Variants in FRMD5 observed in about 807,000 individuals in gnomAD.
FRMD5 encodes the protein FERM domain-containing protein 5.
A neutral mutation model predicts 69.0 loss-of-function variants in FRMD5; 20 were observed. The ratio of observed to expected loss-of-function variants is 0.29; its 90% CI spans 0.20 to 0.42. The LOEUF is 0.42. FRMD5 is among the 10% of genes least tolerant of loss of function. FRMD5 has a pLI of 1.00. For synonymous variants in FRMD5, 271 were observed against 260.1 expected (o/e 1.04, Z -0.40); for missense variants, 595 against 708.6 (o/e 0.84, Z 1.82).
At chr15:43,976,651 G>C (rs1205701660) in intron 1 of FRMD5, among the ~76,000 whole-genome samples, 2 of 152,036 alleles carry the variant, frequency 1.3e-5, no homozygotes, top group African/African-American at 4.8e-5. Context: ...ACAAGCTGAC[G>C]TTTTTATACT....
At chr15:44,111,657 A>G (rs2076797733) in intron 1 of FRMD5, among the ~76,000 whole-genome samples, 1 of 152,200 alleles carries the variant, frequency 6.6e-6, no homozygotes, top group African/African-American at 2.4e-5. Context: ...GAAGAAGCAG[A>G]GCAAGAAGCG....
intron 7 of FRMD5, among the ~76,000 whole-genome samples, chr15:43,895,030 C>T (rs1233518617): frequency 6.6e-6 from 1 of 152,142 alleles, no homozygotes; most frequent in Non-Finnish European, 1.5e-5. Context: ...GTGATCCACC[C>T]ACCTCAGCCT....
chr15:43,962,997 C>G (rs1405869864), intron 1 of FRMD5, among the ~76,000 whole-genome samples: 1 of 152,152 alleles, frequency 6.6e-6, no homozygotes, highest in Non-Finnish European at 1.5e-5. Flanking sequence ...TAGGCATGGG[C>G]AAGGACTTCA....
intron 1 of FRMD5, among the ~76,000 whole-genome samples, chr15:44,142,105 T>G (rs1477539151): frequency 6.6e-6 from 1 of 152,162 alleles, no homozygotes; most frequent in Admixed American, 6.5e-5. Flanking sequence ...ATAGAAGGCT[T>G]CATCCAAATA....
intron 1 of FRMD5, among the ~76,000 whole-genome samples, chr15:43,956,900 G>C (rs2090124507): frequency 1.3e-5 from 2 of 152,048 alleles, no homozygotes; most frequent in African/African-American, 4.8e-5. Context: ...TGACTGTACT[G>C]CAATCCCATT....
chr15:44,196,687 C>CA (rs1307960944), upstream of FRMD5, among the ~76,000 whole-genome samples: 3 of 96,418 alleles, frequency 3.1e-5, no homozygotes, highest in Non-Finnish European at 5.9e-5. Context: ...ATATTTTCCC[C>CA]AATTTTTTTT....
chr15:44,085,175 T>G (rs946635384), intron 1 of FRMD5, among the ~76,000 whole-genome samples: 1 of 152,130 alleles, frequency 6.6e-6, no homozygotes, highest in African/African-American at 2.4e-5. Context: ...CAATGTGGTT[T>G]GGAGAATATT....
Position 43,951,990 on chromosome 15 carries a change from GTGTGTGTGTC to G in FRMD5, c.103-27691_103-27682del, listed in dbSNP as rs59064664. 8.3e-3 allele frequency among the ~76,000 whole-genome samples: 936 copies of G among 113,368 alleles called. 12 individuals are homozygous for G. The highest frequency in any genetic ancestry group is 0.051 in the East Asian group (225 of 4,442). The allele number at this position is 113,368 out of a possible 152,430, so 74.4% of individuals were successfully genotyped here. The stretch of plus-strand genomic sequence containing the variant: ...GTGTGTGTGTGTGTGTTGTGTGTGT[GTGTGTGTGTC>G]TGTGTGTGTGTGTGTGTGTGTGTGT... On this transcript the variant is annotated intron_variant, in intron 1 of 13. Transcript: ENST00000417257.
At chr15:43,971,054 G>A (rs1412409617) in intron 1 of FRMD5, among the ~76,000 whole-genome samples, 5 of 150,470 alleles carry the variant, frequency 3.3e-5, no homozygotes, top group African/African-American at 7.4e-5. Flanking sequence ...GTGAAACCTT[G>A]TCTCTACTAA....
At chr15:44,014,183 A>C (rs1166578361) in intron 1 of FRMD5, among the ~76,000 whole-genome samples, 2 of 152,140 alleles carry the variant, frequency 1.3e-5, no homozygotes, top group Non-Finnish European at 2.9e-5. Context: ...GTGAGGACAG[A>C]GACTGGCATG....
intron 1 of FRMD5, among the ~76,000 whole-genome samples, chr15:44,193,756 C>T (rs1053773692): frequency 1.3e-5 from 2 of 152,232 alleles, no homozygotes; most frequent in Non-Finnish European, 2.9e-5. Flanking sequence ...ACCAGCTGCT[C>T]TCATACACTA....
chr15:43,911,335 T>C (rs1259677842), intron 4 of FRMD5, among the ~76,000 whole-genome samples: 1 of 152,214 alleles, frequency 6.6e-6, no homozygotes, highest in African/African-American at 2.4e-5. Context: ...ATAAAGTCAT[T>C]GCAGCTTCCT....
intron 1 of FRMD5, among the ~76,000 whole-genome samples, chr15:44,145,387 T>C (rs1278350358): frequency 2.0e-5 from 3 of 152,218 alleles, no homozygotes; most frequent in Non-Finnish European, 4.4e-5. Context: ...CTTTTTACTA[T>C]TATATTTATT....
rs769415364 is a variant in FRMD5, at chr15:43,955,813, AT to A, written c.103-31505del. 2.5e-3 allele frequency among the ~76,000 whole-genome samples: 358 copies of A among 145,652 alleles called. 1 individual carries two copies. The highest frequency in any genetic ancestry group is 2.6e-3 in the East Asian group (13 of 5,050). ...CAAGTAAAAGGCACCCACTTCAGAGATTTTTTTTTTTTTAGGGCATGGTCCT... is the reference window on the plus strand; with the variant it reads ...CAAGTAAAAGGCACCCACTTCAGAGATTTTTTTTTTTTAGGGCATGGTCCT... On this transcript the variant is annotated intron_variant, in intron 1 of 13. Transcript: ENST00000417257.
chr15:44,092,703 A>G (rs1267857851), intron 1 of FRMD5, among the ~76,000 whole-genome samples: 2 of 152,014 alleles, frequency 1.3e-5, no homozygotes, highest in Non-Finnish European at 2.9e-5. Flanking sequence ...TTTTGCTACA[A>G]CCATGCTATT....
chr15:44,053,262 C>A (rs1892740721), intron 1 of FRMD5, among the ~76,000 whole-genome samples: 1 of 152,134 alleles, frequency 6.6e-6, no homozygotes, highest in African/African-American at 2.4e-5. Flanking sequence ...AGGAAAGCAA[C>A]CACAGTAGTC....
chr15:44,125,416 A>G (rs2077012719), intron 1 of FRMD5, among the ~76,000 whole-genome samples: 1 of 152,222 alleles, frequency 6.6e-6, no homozygotes, highest in Admixed American at 6.5e-5. Context: ...AGCCATTCTG[A>G]TTATTACCAT....
chr15:44,159,827 G>A lies in FRMD5; in HGVS notation c.102+35126C>T, dbSNP rs1595537231. ...CAACAAATAGCAGCTGAGATTTAAG[G>A]AGGAAGCCATTTTTCATACCTTTAA... On this transcript the variant is annotated intron_variant, in intron 1 of 13. Transcript: ENST00000417257. Among the ~76,000 whole-genome samples the A allele has an allele frequency of 3.3e-5, 5 of 152,300 alleles. No individual in the cohort carries two copies. The South Asian group carries it at 1.0e-3, about 32-fold the overall frequency.
At chr15:44,063,087 G>C (rs76911780) in intron 1 of FRMD5, among the ~76,000 whole-genome samples, 2,482 of 152,076 alleles carry the variant, frequency 0.016, 36 homozygotes, top group Middle Eastern at 0.045. Context: ...GCTATTCTAC[G>C]TTCTTTCCAT....
Sources: allele counts gnomAD v4.1 joint callset (sites outside exome capture counted in the v4.1 genomes callset), GRCh38; gene constraint gnomAD v4.1.1; transcripts MANE v1.5; gene names NCBI Gene and HGNC (gene_info 2026-07-23, HGNC 2026-07-21).